SOX5: variants seen among roughly 807,000 people sequenced by gnomAD.
The protein encoded by SOX5 is transcription factor SOX-5.
In SOX5, 9 loss-of-function variants were observed where a neutral mutation model predicts 92.0. That is an observed-to-expected ratio of 0.10 (90% confidence interval 0.06 to 0.17). The LOEUF (loss-of-function observed/expected upper bound fraction) is 0.17, where lower values mean the gene tolerates loss of function less well. Among genes scored for constraint, SOX5 ranks in the 10% least tolerant of loss-of-function variants. SOX5 has a pLI of 1.00. For missense variants in SOX5, 642 were observed against 944.5 expected (o/e 0.68, Z 4.20); for synonymous variants, 344 against 336.3 (o/e 1.02, Z -0.25).
At chr12:24,514,091 C>T (rs1015435077) in intron 1 of SOX5, among the ~76,000 whole-genome samples, 9 of 152,202 alleles carry the variant, frequency 5.9e-5, no homozygotes, top group African/African-American at 1.7e-4. Context: ...GCCTCTGAAT[C>T]GACTCAAATT....
chr12:23,834,497 T>A (rs2096381741), intron 3 of SOX5, among the ~76,000 whole-genome samples: 1 of 151,914 alleles, frequency 6.6e-6, no homozygotes, highest in Non-Finnish European at 1.5e-5. Flanking sequence ...TTTTTGAAGA[T>A]TACATGAAAC....
intron 1 of SOX5, among the ~76,000 whole-genome samples, chr12:23,942,205 T>G (rs1435436024): frequency 6.6e-6 from 1 of 151,846 alleles, no homozygotes; most frequent in Non-Finnish European, 1.5e-5. Context: ...GGAATATTTC[T>G]CATTTTCAGT....
In SOX5 at chr12:23,970,841, A is replaced by ATATATATATATTTTTTTTT; in HGVS notation, c.-1-74818_-1-74817insAAAAAAAAATATATATATA. Among the ~76,000 whole-genome samples the ATATATATATATTTTTTTTT allele has an allele frequency of 6.5e-3, 142 of 21,876 alleles. 33 individuals carry two copies. The highest frequency in any genetic ancestry group is 0.023 in the East Asian group (27 of 1,154). 14.4% of individuals were successfully genotyped at this position (21,876 alleles called of 152,430 possible). A position where few individuals can be genotyped will look rare whatever the true frequency, so the allele number is the denominator to read the frequency against. ...ACATGGGACTTTATATATATATATA[A>ATATATATATATTTTTTTTT]TTTTTTTTTTTTTTTAAGAAATGGG... On this transcript the variant is annotated intron_variant, in intron 4 of 4. Coordinates refer to the SOX5 transcript ENST00000446891.
intron 4 of SOX5, among the ~76,000 whole-genome samples, chr12:24,044,784 C>G (rs902274584): frequency 1.3e-5 from 2 of 152,198 alleles, no homozygotes; most frequent in Admixed American, 6.5e-5. Context: ...TATTATCCAT[C>G]ATAGTGCCTG....
chr12:24,124,501 A>G (rs1435379565), intron 4 of SOX5, among the ~76,000 whole-genome samples: 1 of 151,976 alleles, frequency 6.6e-6, no homozygotes, highest in African/African-American at 2.4e-5. Flanking sequence ...GGAAATTAGC[A>G]TACATTAAAA....
At chr12:23,656,769 T>A (rs977689243) in intron 7 of SOX5, among the ~76,000 whole-genome samples, 3 of 151,774 alleles carry the variant, frequency 2.0e-5, no homozygotes, top group African/African-American at 7.2e-5. Flanking sequence ...AATATTTTTA[T>A]ATAAATATAT....
intron 1 of SOX5, among the ~76,000 whole-genome samples, chr12:23,924,011 C>T (rs1383054963): frequency 6.6e-6 from 1 of 152,292 alleles, no homozygotes; most frequent in East Asian, 1.9e-4. Flanking sequence ...ATAAACCTTT[C>T]TACCACTCAA....
chr12:23,852,813 A>G (rs2096646942), intron 2 of SOX5, among the ~76,000 whole-genome samples: 1 of 152,076 alleles, frequency 6.6e-6, no homozygotes, highest in Admixed American at 6.6e-5. Context: ...CTCAGGCCTC[A>G]CCCCAGACTT....
intron 13 of SOX5, among the ~76,000 whole-genome samples, chr12:23,541,703 T>G (rs549306614): frequency 6.6e-6 from 1 of 152,346 alleles, no homozygotes; most frequent in South Asian, 2.1e-4. Flanking sequence ...TTAGATAACA[T>G]TTAGGTGAAA....
chr12:24,440,210 C>G (rs1452890680), intron 1 of SOX5, among the ~76,000 whole-genome samples: 1 of 152,154 alleles, frequency 6.6e-6, no homozygotes, highest in African/African-American at 2.4e-5. Context: ...CAGAGATTAG[C>G]CTCACACCAG....
intron 1 of SOX5, among the ~76,000 whole-genome samples, chr12:23,916,687 T>C (rs1007176339): frequency 3.3e-5 from 5 of 152,204 alleles, no homozygotes; most frequent in Admixed American, 2.0e-4. Context: ...GGGTAAAATG[T>C]ATTTTATAAT....
chr12:23,723,581 T>TATATACAC (rs1491240128), intron 6 of SOX5, among the ~76,000 whole-genome samples: 1 of 131,778 alleles, frequency 7.6e-6, no homozygotes, highest in African/African-American at 2.5e-5. Context: ...TATATATATA[T>TATATACAC]ACACACACAC....
chr12:23,597,290 G>A (rs1355826296), intron 9 of SOX5, among the ~76,000 whole-genome samples: 4 of 152,160 alleles, frequency 2.6e-5, no homozygotes, highest in Non-Finnish European at 5.9e-5. Context: ...TTAACGCTGA[G>A]ATTACAACTA....
At chr12:23,922,899 C>T (rs1179498200) in intron 1 of SOX5, among the ~76,000 whole-genome samples, 1 of 151,740 alleles carries the variant, frequency 6.6e-6, no homozygotes, top group Non-Finnish European at 1.5e-5. Context: ...TGTGCGAATC[C>T]CAGAGGGAGT....
intron 3 of SOX5, among the ~76,000 whole-genome samples, chr12:23,790,695 G>C (rs2095460330): frequency 6.6e-6 from 1 of 151,900 alleles, no homozygotes; most frequent in Non-Finnish European, 1.5e-5. Flanking sequence ...CTTATGACCA[G>C]ACTCATGTTT....
intron 1 of SOX5, among the ~76,000 whole-genome samples, chr12:24,547,883 G>T (rs998079505): frequency 1.3e-5 from 2 of 152,204 alleles, no homozygotes; most frequent in African/African-American, 4.8e-5. Flanking sequence ...TCCCCTGGCA[G>T]AAATGAGACT....
At chr12:23,543,652 A>AAAAT (rs1458999087) in intron 12 of SOX5, among the ~76,000 whole-genome samples, 4 of 152,206 alleles carry the variant, frequency 2.6e-5, no homozygotes, top group African/African-American at 9.6e-5. Context: ...TCAACAGCTC[A>AAAAT]AAATAAACTC....
chr12:23,969,611 G>A (rs1050914776), intron 4 of SOX5, among the ~76,000 whole-genome samples: 1 of 152,184 alleles, frequency 6.6e-6, no homozygotes, highest in African/African-American at 2.4e-5. Context: ...TTTGGCTAAT[G>A]TCTAGCTACA....
At chr12:24,230,440 C>T (rs1446152382) in intron 3 of SOX5, 1 of 152,044 alleles carries the variant, frequency 6.6e-6, no homozygotes, top group East Asian at 1.9e-4. Context: ...TTTCTTTTTC[C>T]GTGGTTCCTG....
Sources: allele counts gnomAD v4.1 joint callset (sites outside exome capture counted in the v4.1 genomes callset), GRCh38; gene constraint gnomAD v4.1.1; transcripts MANE v1.5; gene names NCBI Gene and HGNC (gene_info 2026-07-23, HGNC 2026-07-21).